Variants in ADGRL2 observed in about 807,000 individuals in gnomAD.
The protein encoded by ADGRL2 is adhesion G protein-coupled receptor L2.
A neutral mutation model predicts 157.4 loss-of-function variants in ADGRL2; 44 were observed. That is an observed-to-expected ratio of 0.28 (90% CI 0.22 to 0.36). The LOEUF is 0.36. Ranked by LOEUF, ADGRL2 falls within the 10% of genes least tolerant of loss-of-function variation. The pLI is 1.00. For missense variants in ADGRL2, 1,510 were observed against 1,768.9 expected (o/e 0.85, Z 2.63); for synonymous variants, 585 against 624.7 (o/e 0.94, Z 0.95).
intron 1 of ADGRL2, among the ~76,000 whole-genome samples, chr1:81,372,412 G>A (rs1343863322): frequency 6.6e-6 from 1 of 152,110 alleles, no homozygotes; most frequent in African/African-American, 2.4e-5. Flanking sequence ...ACACAAGGGG[G>A]AAATATCAGT....
intron 1 of ADGRL2, among the ~76,000 whole-genome samples, chr1:81,379,200 C>T (rs1276815863): frequency 6.6e-6 from 1 of 152,108 alleles, no homozygotes; most frequent in Non-Finnish European, 1.5e-5. Context: ...CCTCAAAGGG[C>T]GGGTGATAGG....
intron 10 of ADGRL2, among the ~76,000 whole-genome samples, chr1:81,954,228 T>G (rs1652755535): frequency 6.6e-6 from 1 of 152,032 alleles, no homozygotes. Flanking sequence ...TTTTTTTCCT[T>G]TGGCAGAAAG....
chr1:81,481,191 G>A (rs1325724067), intron 2 of ADGRL2, among the ~76,000 whole-genome samples: 1 of 152,132 alleles, frequency 6.6e-6, no homozygotes, highest in African/African-American at 2.4e-5. Context: ...TGAAAGTAAT[G>A]GAGGAGCTAA....
intron 2 of ADGRL2, among the ~76,000 whole-genome samples, chr1:81,579,025 T>A (rs1233411625): frequency 6.6e-6 from 1 of 152,184 alleles, no homozygotes; most frequent in African/African-American, 2.4e-5. Context: ...GTGTAGCCAC[T>A]AATGAGGAAA....
chr1:81,670,644 G>T (rs2148914678), intron 3 of ADGRL2, among the ~76,000 whole-genome samples: 1 of 152,310 alleles, frequency 6.6e-6, no homozygotes, highest in East Asian at 1.9e-4. Flanking sequence ...TAAGGAGAGG[G>T]AGAAGGAATT....
intron 1 of ADGRL2, among the ~76,000 whole-genome samples, chr1:81,426,279 G>A (rs1408753672): frequency 6.6e-6 from 1 of 152,158 alleles, no homozygotes; most frequent in Admixed American, 6.5e-5. Flanking sequence ...TGAGGGTCTT[G>A]TGGCCTATTT....
Position 81,926,957 on chromosome 1 carries a change from T to G in ADGRL2, c.288-9771T>G, listed in dbSNP as rs150239836. Reference sequence around the variant, plus strand: ...AAGGTTTCTAAAACATAGAAAGTTGTTTTTAGAAAATCAGCATTGCCATTT... The same window carrying G: ...AAGGTTTCTAAAACATAGAAAGTTGGTTTTAGAAAATCAGCATTGCCATTT... On this transcript the variant is annotated intron_variant, in intron 3 of 23. Transcript: ENST00000686636. 7.8e-4 allele frequency among the ~76,000 whole-genome samples: 118 copies of G among 152,142 alleles called. 1 individual carries two copies. The highest frequency in any genetic ancestry group is 2.6e-3 in the African/African-American group (109 of 41,564).
At chr1:81,880,546 A>AG (rs766965402) in intron 2 of ADGRL2, among the ~76,000 whole-genome samples, 1 of 152,102 alleles carries the variant, frequency 6.6e-6, no homozygotes, top group Non-Finnish European at 1.5e-5. Context: ...CAGCAAAGAG[A>AG]GGGGTCCTGA....
intron 1 of ADGRL2, among the ~76,000 whole-genome samples, chr1:81,812,500 T>C (rs1437055103): frequency 6.6e-6 from 1 of 151,716 alleles, no homozygotes; most frequent in African/African-American, 2.4e-5. Context: ...ACTTAAAATA[T>C]AATAAAGATA....
At chr1:81,528,436 A>G (rs1033748527) in intron 2 of ADGRL2, among the ~76,000 whole-genome samples, 1 of 152,072 alleles carries the variant, frequency 6.6e-6, no homozygotes, top group African/African-American at 2.4e-5. Context: ...TCAGGAGGTC[A>G]GGAGATCGAG....
chr1:81,577,889 A>G (rs1443910011), intron 2 of ADGRL2, among the ~76,000 whole-genome samples: 1 of 152,198 alleles, frequency 6.6e-6, no homozygotes, highest in Admixed American at 6.6e-5. Flanking sequence ...TTCTGAATAA[A>G]TCTGAATTTT....
chr1:81,577,289 A>G (rs778612640), intron 2 of ADGRL2, among the ~76,000 whole-genome samples: 1 of 152,082 alleles, frequency 6.6e-6, no homozygotes, highest in African/African-American at 2.4e-5. Context: ...GGCCACACTC[A>G]CCATTGAGAT....
chr1:81,756,063 T>C (rs957976805), intron 1 of ADGRL2, among the ~76,000 whole-genome samples: 5 of 152,252 alleles, frequency 3.3e-5, no homozygotes, highest in African/African-American at 7.2e-5. Flanking sequence ...CACTAATCCA[T>C]ATACAACCCA....
chr1:81,522,022 T>A (rs1179031895), intron 2 of ADGRL2, among the ~76,000 whole-genome samples: 1 of 150,714 alleles, frequency 6.6e-6, no homozygotes, highest in Non-Finnish European at 1.5e-5. Flanking sequence ...TGGAGTGCAG[T>A]GGTGCAATCT....
chr1:81,776,620 G>A (rs1176859722), intron 2 of ADGRL2, among the ~76,000 whole-genome samples: 2 of 152,296 alleles, frequency 1.3e-5, no homozygotes, highest in South Asian at 2.1e-4. Context: ...AATATTTCTA[G>A]TGTTTTTACT....
At chr1:81,714,538 G>A (rs1444472561) in intron 1 of ADGRL2, among the ~76,000 whole-genome samples, 1 of 151,986 alleles carries the variant, frequency 6.6e-6, no homozygotes, top group Non-Finnish European at 1.5e-5. Context: ...GCAATTTATA[G>A]AGTAAAAAAC....
At chr1:81,487,219 C>T (rs532865685) in intron 2 of ADGRL2, among the ~76,000 whole-genome samples, 2 of 151,664 alleles carry the variant, frequency 1.3e-5, no homozygotes, top group African/African-American at 2.4e-5. Flanking sequence ...AGGATCAGAC[C>T]ACTGCACTTC....
intron 1 of ADGRL2, among the ~76,000 whole-genome samples, chr1:81,801,536 C>T (rs1557666612): frequency 6.6e-6 from 1 of 152,204 alleles, no homozygotes; most frequent in Non-Finnish European, 1.5e-5. Context: ...ATCTCCCCTC[C>T]GCTGCTGTGT....
At chr1:81,644,986 G>A (rs1412775373) in intron 3 of ADGRL2, among the ~76,000 whole-genome samples, 1 of 152,122 alleles carries the variant, frequency 6.6e-6, no homozygotes, top group Non-Finnish European at 1.5e-5. Flanking sequence ...GTAGTCCATT[G>A]ATTGGTATTT....
Sources: gnomAD v4.1 joint callset for allele counts (sites outside exome capture counted in the v4.1 genomes callset) on GRCh38, gnomAD v4.1.1 for gene constraint, MANE v1.5 for transcripts, NCBI Gene and HGNC (gene_info 2026-07-23, HGNC 2026-07-21) for gene names.